Variants in MGMT observed in about 807,000 individuals in gnomAD.
MGMT encodes the protein methylated-DNA--protein-cysteine methyltransferase.
A neutral mutation model predicts 15.9 loss-of-function variants in MGMT; 14 were observed. The ratio of observed to expected loss-of-function variants is 0.88; its 90% CI spans 0.58 to 1.37. The LOEUF is 1.37. Among genes scored for constraint, MGMT ranks in the 40% most tolerant of loss-of-function variants. MGMT has a pLI of 0.00. For synonymous variants in MGMT, 130 were observed against 118.2 expected, an observed-to-expected ratio of 1.10 and a Z score of -0.65; for missense variants, 282 against 268.1, an observed-to-expected ratio of 1.05 and a Z score of -0.36.
chr10:129,536,450 T>A, intron 2 of MGMT, 73 bp downstream of exon 2: 1 of 1,535,674 alleles, frequency 6.5e-7, no homozygotes, highest in Non-Finnish European at 8.8e-7. Context: ...GATAACGGCA[T>A]GTTTTCCATT....
chr10:129,654,980 A>C (rs980175884), intron 2 of MGMT, among the ~76,000 whole-genome samples: 4 of 152,202 alleles, frequency 2.6e-5, no homozygotes, highest in Non-Finnish European at 5.9e-5. Flanking sequence ...AATTCCTTGC[A>C]TCTAAGGAAG....
Position 129,467,301 on chromosome 10 carries a change from GTGTC to G in MGMT, c.-13+8_-13+11del. On this transcript the variant is annotated splice_donor_region_variant and intron_variant, in intron 1 of 4. Coordinates refer to ENST00000651593, the MANE Select transcript of MGMT (RefSeq NM_002412.5). ...GTGCGCACCGTTTGCGACTTGGTGAGTGTCTGGGTCGCCTCGCTCCCGGAAGAGT... is the reference window on the plus strand; with the variant it reads ...GTGCGCACCGTTTGCGACTTGGTGAGTGGGTCGCCTCGCTCCCGGAAGAGT... The G allele has an allele frequency of 6.5e-7, 1 of 1,538,730 alleles. No homozygotes were observed. The highest frequency in any genetic ancestry group is 1.7e-4 in the Middle Eastern group (1 of 5,948).
intron 3 of MGMT, among the ~76,000 whole-genome samples, chr10:129,746,226 G>A (rs535828236): frequency 3.7e-5 from 5 of 135,962 alleles, no homozygotes; most frequent in African/African-American, 5.7e-5. Context: ...GGGACAGAGC[G>A]AGACTCTGTC....
chr10:129,751,244 T>C (rs1311850057), intron 3 of MGMT, among the ~76,000 whole-genome samples: 1 of 152,056 alleles, frequency 6.6e-6, no homozygotes, highest in Non-Finnish European at 1.5e-5. Context: ...CAGTTTCATC[T>C]TGGATAAGTT....
chr10:129,660,745 T>G (rs1847586678), intron 2 of MGMT, among the ~76,000 whole-genome samples: 1 of 150,882 alleles, frequency 6.6e-6, no homozygotes, highest in South Asian at 2.1e-4. Flanking sequence ...AGACCTTTTC[T>G]TTTCACAAAG....
At chr10:129,719,837 G>A (rs1212821464) in intron 3 of MGMT, among the ~76,000 whole-genome samples, 1 of 152,214 alleles carries the variant, frequency 6.6e-6, no homozygotes, top group South Asian at 2.1e-4. Flanking sequence ...AGTGGGGACA[G>A]TAGTAACAAT....
At chr10:129,705,784 G>A (rs1441459442) in intron 2 of MGMT, among the ~76,000 whole-genome samples, 1 of 152,160 alleles carries the variant, frequency 6.6e-6, no homozygotes, top group Non-Finnish European at 1.5e-5. Context: ...GTAGCAACAG[G>A]CCCCATCCAC....
chr10:129,468,115 T>C (rs1178154364), intron 1 of MGMT, among the ~76,000 whole-genome samples: 1 of 152,210 alleles, frequency 6.6e-6, no homozygotes, highest in Non-Finnish European at 1.5e-5. Flanking sequence ...AGAATTAGAC[T>C]GGTTATTTAC....
intron 2 of MGMT, among the ~76,000 whole-genome samples, chr10:129,669,864 G>T (rs957508168): frequency 3.9e-5 from 6 of 152,078 alleles, no homozygotes; most frequent in Non-Finnish European, 8.8e-5. Flanking sequence ...GTTTTGCCTT[G>T]TAACTTTAGG....
At chr10:129,675,999 C>G (rs1438723771) in intron 2 of MGMT, among the ~76,000 whole-genome samples, 2 of 152,202 alleles carry the variant, frequency 1.3e-5, no homozygotes, top group African/African-American at 4.8e-5. Flanking sequence ...TAGCTGCTAC[C>G]TGGCACTGCG....
At chr10:129,534,540 A>G (rs966151378) in intron 1 of MGMT, among the ~76,000 whole-genome samples, 1 of 151,484 alleles carries the variant, frequency 6.6e-6, no homozygotes, top group Non-Finnish European at 1.5e-5. Flanking sequence ...CCGCTGCCCG[A>G]CCCTGGTCCC....
At chr10:129,604,669 G>A (rs1846865976) in intron 2 of MGMT, among the ~76,000 whole-genome samples, 1 of 152,164 alleles carries the variant, frequency 6.6e-6, no homozygotes, top group Non-Finnish European at 1.5e-5. Flanking sequence ...GGAGTTGGGG[G>A]CTGCAGTGGT....
intron 3 of MGMT, among the ~76,000 whole-genome samples, chr10:129,714,760 G>T: frequency 6.6e-6 from 1 of 152,190 alleles, no homozygotes; most frequent in South Asian, 2.1e-4. Flanking sequence ...AAAACTGTGC[G>T]CATTGAAGGA....
chr10:129,509,965 C>T (rs902180927), intron 1 of MGMT, among the ~76,000 whole-genome samples: 4 of 152,150 alleles, frequency 2.6e-5, no homozygotes, highest in African/African-American at 9.7e-5. Context: ...GGTTGGAGGG[C>T]CTTAAGGCCA....
chr10:129,507,545 G>T (rs144645611), intron 1 of MGMT, among the ~76,000 whole-genome samples: 81 of 152,298 alleles, frequency 5.3e-4, no homozygotes, highest in African/African-American at 1.7e-3. Context: ...GGGGACAGGG[G>T]TGCCCCAGGA....
intron 2 of MGMT, among the ~76,000 whole-genome samples, chr10:129,582,515 G>A (rs1365108866): frequency 1.3e-5 from 2 of 151,588 alleles, no homozygotes; most frequent in Non-Finnish European, 2.9e-5. Flanking sequence ...ACGTCTTCCC[G>A]ATATTTAGAT....
chr10:129,739,148 C>T (rs1003429324), intron 3 of MGMT, among the ~76,000 whole-genome samples: 3 of 152,146 alleles, frequency 2.0e-5, no homozygotes, highest in African/African-American at 4.8e-5. Context: ...ATTGACGGAA[C>T]GTATCTCAAA....
At chr10:129,705,905 C>T (rs1848154884) in intron 2 of MGMT, among the ~76,000 whole-genome samples, 1 of 152,164 alleles carries the variant, frequency 6.6e-6, no homozygotes, top group African/African-American at 2.4e-5. Context: ...GCAACAGCCC[C>T]ATCCACACAG....
At chr10:129,489,039 A>C (rs1263952124) in intron 1 of MGMT, among the ~76,000 whole-genome samples, 1 of 152,138 alleles carries the variant, frequency 6.6e-6, no homozygotes, top group East Asian at 1.9e-4. Context: ...CAATGCATTA[A>C]TTACTATAGC....
Sources: allele counts gnomAD v4.1 joint callset (sites outside exome capture counted in the v4.1 genomes callset), GRCh38; gene constraint gnomAD v4.1.1; transcripts MANE v1.5; gene names NCBI Gene and HGNC (gene_info 2026-07-23, HGNC 2026-07-21).